Variants in RDH13 observed in about 807,000 individuals in gnomAD.
The protein encoded by RDH13 is retinol dehydrogenase 13.
Under a neutral mutation model 28.3 loss-of-function variants are expected in RDH13, and 35 were observed. The ratio of observed to expected loss-of-function variants is 1.24; its 90% CI spans 0.95 to 1.64. RDH13 has a LOEUF of 1.64. RDH13 is among the 40% of genes most tolerant of loss of function. The pLI, the probability that RDH13 is intolerant of heterozygous loss-of-function variation, is 0.00. For synonymous variants in RDH13, 229 were observed against 198.5 expected (o/e 1.15, Z -1.29); for missense variants, 514 against 446.3 (o/e 1.15, Z -1.37).
At chr19:55,059,132 A>G in intron 2 of RDH13, 25 bp downstream of exon 2, 3 of 1,451,960 alleles carry the variant, frequency 2.1e-6, no homozygotes, top group Non-Finnish European at 2.9e-6. Context: ...TATCTCTCTG[A>G]GAGCCAAAGC....
rs759574631 is a variant in RDH13, at chr19:55,063,074, G to C, written c.-42C>G. On this transcript the variant is annotated 5_prime_UTR_variant, in exon 1 of 7. Coordinates refer to ENST00000415061, the MANE Select transcript of RDH13 (RefSeq NM_001145971.2). ...GCGTCAGGCGTCAGGGGTCGGCGCG[G>C]AGCTTGCTGCACACCAGCCGCCTGG... 8.6e-7 allele frequency: 1 copy of C among 1,168,998 alleles called. No homozygotes were observed. The highest frequency in any genetic ancestry group is 1.8e-5 in the African/African-American group (1 of 56,246). 72.4% of individuals were successfully genotyped at this position (1,168,998 alleles called of 1,614,324 possible).
Position 55,059,165 on chromosome 19 carries a change from G to A in RDH13, c.176C>T (p.Ala59Val), listed in dbSNP as rs866911725. The change falls in exon 2 of 7, where the codon GCC becomes GTC. Residue 59 changes from alanine (A) to valine (V), a missense_variant. By Grantham distance (64) the Ala-to-Val change is moderately conservative (BLOSUM62 0). Coordinates refer to ENST00000415061, the MANE Select transcript of RDH13 (RefSeq NM_001145971.2). ...AGCAGGGGAGATTTTACCTCTCCTGGCCAGTTCCAAGGCGGTCTGCTTCCC... is the reference window on the plus strand; with the variant it reads ...AGCAGGGGAGATTTTACCTCTCCTGACCAGTTCCAAGGCGGTCTGCTTCCC... ...GIGKQTALELARRGGNIILAC... is the reference protein window; with the variant it reads ...GIGKQTALELVRRGGNIILAC... 1.9e-6 allele frequency: 3 copies of A among 1,586,670 alleles called. No individual in the cohort carries two copies. The highest frequency in any genetic ancestry group is 2.7e-5 in the African/African-American group (2 of 74,366).
Position 55,045,298 on chromosome 19 carries a change from A to G in RDH13, c.772T>C (p.Trp258Arg). Residue 258 changes from tryptophan (W) to arginine (R), a missense_variant, in exon 7 of 7, where the codon TGG becomes CGG. Coordinates refer to ENST00000415061, the MANE Select transcript of RDH13 (RefSeq NM_001145971.2). The stretch of plus-strand genomic sequence containing the variant: ...AGCTCGGGGCTCTTGACCAGCAGCC[A>G]GAAGATGGGCCCTGCAATCAGCCCA... ...FSSTTLGPIFWLLVKSPELAA... is the reference protein window; with the variant it reads ...FSSTTLGPIFRLLVKSPELAA... 1.9e-6 allele frequency: 3 copies of G among 1,612,098 alleles called. No individual in the cohort carries two copies. The highest frequency in any genetic ancestry group is 2.5e-6 in the Non-Finnish European group (3 of 1,179,658).
At chr19:55,042,665 T>A (rs2075069880), downstream of RDH13, 1 of 152,150 alleles carries the variant, frequency 6.6e-6, no homozygotes, top group Non-Finnish European at 1.5e-5. Context: ...CTTAGGGTAG[T>A]CTTCCAATTC....
At chr19:55,039,864 A>T (rs1356682003), downstream of RDH13, 5 of 152,074 alleles carry the variant, frequency 3.3e-5, no homozygotes, top group African/African-American at 1.2e-4. Context: ...ATTATAAAAG[A>T]ATAAATTCAG....
intron 6 of RDH13, chr19:55,046,343 A>G (rs2075231225): frequency 6.7e-6 from 1 of 148,320 alleles, no homozygotes; most frequent in African/African-American, 2.5e-5. Context: ...GCTCACTGCA[A>G]CCTCTGCCTC....
At chr19:55,069,273 C>T (rs1257072491) in intron 1 of RDH13, 1 of 151,944 alleles carries the variant, frequency 6.6e-6, no homozygotes, top group Non-Finnish European at 1.5e-5. Context: ...TCTCCCCGCA[C>T]TCTCACCAGG....
In RDH13 at chr19:55,048,514, A is replaced by C. The variant is rs1202752216; in HGVS notation, c.473T>G (p.Leu158Arg). ...LGHFLLTNLL[L>R]DKLKASAPSR... Reference sequence around the variant, plus strand: ...AGGGGCTGAGGCTTTCAGCTTGTCCAGCAGCAAGTTTGTCAAGAGAAAGTG... The same window carrying C: ...AGGGGCTGAGGCTTTCAGCTTGTCCCGCAGCAAGTTTGTCAAGAGAAAGTG... Residue 158 changes from leucine (L) to arginine (R), a missense_variant, in exon 5 of 7, where the codon CTG becomes CGG. By Grantham distance (102) the Leu-to-Arg change is moderately radical (BLOSUM62 -2). Transcript: ENST00000415061. The C allele has an allele frequency of 6.2e-7, 1 of 1,614,210 alleles. No homozygotes were observed. The highest frequency in any genetic ancestry group is 1.7e-5 in the Admixed American group (1 of 60,022).
chr19:55,066,715 T>C (rs908299896), upstream of RDH13, among the ~76,000 whole-genome samples: 3 of 150,574 alleles, frequency 2.0e-5, no homozygotes, highest in Non-Finnish European at 4.4e-5. Flanking sequence ...CTCTCTCTCT[T>C]CTTGTGTGTG....
chr19:55,040,574 C>T (rs2075002577), downstream of RDH13: 1 of 152,226 alleles, frequency 6.6e-6, no homozygotes, highest in Non-Finnish European at 1.5e-5. Flanking sequence ...GGTTGAATGC[C>T]TGCCACCTTT....
intron 1 of RDH13, 22 bp downstream of exon 1, chr19:55,062,946 C>T (rs932145895): frequency 6.9e-7 from 1 of 1,446,078 alleles, no homozygotes; most frequent in South Asian, 1.4e-5. Flanking sequence ...TGACCGCGCA[C>T]GCGGGGCTAG....
chr19:55,056,564 A>G, intron 3 of RDH13, 89 bp downstream of exon 3: 22 of 1,495,032 alleles, frequency 1.5e-5, no homozygotes, highest in African/African-American at 4.1e-5. Context: ...ACTCTGCTCT[A>G]AAGTTTGCTT....
chr19:55,044,381 T>C lies in RDH13; in HGVS notation c.*693A>G, dbSNP rs989014626. ...TGAGAGTCTGCAGTTTGGACTACCATGAGAATTGATAGGAAGGTGGGAGTC... is the reference window on the plus strand; with the variant it reads ...TGAGAGTCTGCAGTTTGGACTACCACGAGAATTGATAGGAAGGTGGGAGTC... On this transcript the variant is annotated 3_prime_UTR_variant, in exon 7 of 7. Coordinates refer to ENST00000415061, the MANE Select transcript of RDH13 (RefSeq NM_001145971.2). 1.4e-4 allele frequency: 22 copies of C among 152,044 alleles called. No individual in the cohort carries two copies. Among genetic ancestry groups the C allele is most frequent in the African/African-American group, 5.1e-4 (21 of 41,488 alleles). The allele number at this position is 152,044 out of a possible 1,614,324, so 9.4% of individuals were successfully genotyped here.
intron 1 of RDH13, among the ~76,000 whole-genome samples, chr19:55,061,414 C>G (rs1457665943): frequency 6.6e-6 from 1 of 151,454 alleles, no homozygotes; most frequent in African/African-American, 2.4e-5. Context: ...CAGGCGTGAG[C>G]CACCACACCC....
At chr19:55,068,682 A>G (rs1221537801) in intron 1 of RDH13, 2 of 143,464 alleles carry the variant, frequency 1.4e-5, no homozygotes, top group African/African-American at 5.2e-5. Context: ...AAAAATACAA[A>G]AAAATTAGCC....
chr19:55,055,922 G>A (rs1470533433), intron 3 of RDH13, among the ~76,000 whole-genome samples: 1 of 150,654 alleles, frequency 6.6e-6, no homozygotes, highest in Non-Finnish European at 1.5e-5. Context: ...GGAGGCCAAG[G>A]GAAGCAGATC....
At chr19:55,047,719 G>A (rs778906255) in intron 5 of RDH13, among the ~76,000 whole-genome samples, 23 of 152,178 alleles carry the variant, frequency 1.5e-4, no homozygotes, top group Admixed American at 2.6e-4. Flanking sequence ...AACCCAGAAC[G>A]CTGAGCTTAC....
chr19:55,044,876 A>C lies in RDH13; in HGVS notation c.*198T>G. ...CCCCTGCTGGCAGCAGAGCAGACGG[A>C]ACCAGCCAGAGCCCAGGGCAGTGCT... On this transcript the variant is annotated 3_prime_UTR_variant, in exon 7 of 7. Transcript: ENST00000415061. 1.9e-6 allele frequency: 1 copy of C among 531,222 alleles called. No individual in the cohort carries two copies. Among genetic ancestry groups the C allele is most frequent in the Non-Finnish European group, 3.3e-6 (1 of 302,254 alleles). The allele number at this position is 531,222 out of a possible 1,614,324, so 32.9% of individuals were successfully genotyped here. A position where few individuals can be genotyped will look rare whatever the true frequency, so the allele number is the denominator to read the frequency against.
Position 55,048,693 on chromosome 19 carries a change from G to T in RDH13, c.411C>A (p.Asp137Glu). 1 of 1,613,966 alleles carries T rather than the reference G, an allele frequency of 6.2e-7. No homozygotes were observed. Among genetic ancestry groups the T allele is most frequent in the Non-Finnish European group, 8.5e-7 (1 of 1,180,000 alleles). ...TAACGCCAAACTGCATCTCGAAGCCGTCCTCGGTGGTCCAGTGGGGGCACC... is the reference window on the plus strand; with the variant it reads ...TAACGCCAAACTGCATCTCGAAGCCTTCCTCGGTGGTCCAGTGGGGGCACC... ...VMRCPHWTTE[D>E]GFEMQFGVNH... is the part of the protein sequence containing the mutation. The change falls in exon 4 of 7, where the codon GAC becomes GAA. Residue 137 changes from aspartate (D) to glutamate (E), a missense_variant. Physicochemically the swap from Asp to Glu is conservative, Grantham distance 45 (BLOSUM62 2). Transcript: ENST00000415061.
Sources: allele counts gnomAD v4.1 joint callset (sites outside exome capture counted in the v4.1 genomes callset), GRCh38; gene constraint gnomAD v4.1.1; transcripts MANE v1.5; gene names NCBI Gene and HGNC (gene_info 2026-07-23, HGNC 2026-07-21).